PINX1: variants seen among roughly 807,000 people sequenced by gnomAD.
PINX1 encodes the protein PIN2/TERF1-interacting telomerase inhibitor 1.
Under a neutral mutation model 25.4 loss-of-function variants are expected in PINX1, and 34 were observed. The ratio of observed to expected loss-of-function variants is 1.34; its 90% CI spans 1.02 to 1.78. PINX1 has a LOEUF of 1.78. PINX1 is among the 40% of genes most tolerant of loss of function. The probability of loss-of-function intolerance (pLI) is 0.00; values close to 1 mark genes in which losing one functional copy is unlikely to be tolerated. For missense variants in PINX1, 592 were observed against 404.9 expected (o/e 1.46, Z -3.97); for synonymous variants, 197 against 147.7 (o/e 1.33, Z -2.42).
At position 10,791,820 on chromosome 8, in the gene PINX1, C is replaced by A. The variant is rs116022303; in HGVS notation, c.472-25904G>T. 3.3e-3 allele frequency among the ~76,000 whole-genome samples: 496 copies of A among 152,300 alleles called. 3 individuals carry two copies. The highest frequency in any genetic ancestry group is 0.011 in the African/African-American group (474 of 41,576). Reference sequence around the variant, plus strand: ...AGCACTGCGCGAGGCAAAGGACTTGCATTTGGCCTGTGGTGCTGCCGCGGT... The same window carrying A: ...AGCACTGCGCGAGGCAAAGGACTTGAATTTGGCCTGTGGTGCTGCCGCGGT... On this transcript the variant is annotated intron_variant, in intron 6 of 6. Coordinates refer to ENST00000314787, the MANE Select transcript of PINX1 (RefSeq NM_017884.6).
chr8:10,787,643 C>G (rs142220121), intron 6 of PINX1: 17 of 320,346 alleles, frequency 5.3e-5, no homozygotes, highest in Non-Finnish European at 9.8e-5. Context: ...AAAAGCCACA[C>G]AAGGGAAATT....
chr8:10,824,261 G>A (rs1563233060), intron 5 of PINX1, among the ~76,000 whole-genome samples: 1 of 152,322 alleles, frequency 6.6e-6, no homozygotes, highest in Middle Eastern at 3.4e-3. Flanking sequence ...GATTTTCTGT[G>A]ATCTAAGATA....
rs777538878 is a variant in PINX1, at chr8:10,826,186, G to C, written c.360C>G (p.Ser120=). 1.9e-6 allele frequency: 3 copies of C among 1,592,396 alleles called. No homozygotes were observed. The African/African-American group carries it at 4.0e-5, about 21-fold the overall frequency. Residue 120 remains serine (S), a synonymous_variant, in exon 5 of 7, where the codon TCC becomes TCG. Transcript: ENST00000314787. ...ATTTCATATAGTGAACACGGTTTTT[G>C]GAGATTTTGGACTTTTCCTCAAGGC... ...SFSLEEKSKI[S]KNRVHYMKFT... is the part of the protein sequence containing the mutation.
At chr8:10,788,778 C>G (rs1164436093) in intron 6 of PINX1, among the ~76,000 whole-genome samples, 1 of 152,134 alleles carries the variant, frequency 6.6e-6, no homozygotes, top group African/African-American at 2.4e-5. Context: ...CCAACCAAGG[C>G]AGAAAGGTGA....
intron 6 of PINX1, among the ~76,000 whole-genome samples, chr8:10,766,857 G>GA (rs1801066710): frequency 6.6e-6 from 1 of 152,236 alleles, no homozygotes; most frequent in Non-Finnish European, 1.5e-5. Context: ...CTGGGATAAA[G>GA]AATGAAATGC....
chr8:10,838,849 C>T (rs1288817507), intron 1 of PINX1, among the ~76,000 whole-genome samples: 1 of 152,154 alleles, frequency 6.6e-6, no homozygotes, highest in East Asian at 1.9e-4. Flanking sequence ...CAATTTCTGC[C>T]CCTGTAAAAT....
intron 6 of PINX1, among the ~76,000 whole-genome samples, chr8:10,818,938 G>C (rs566082529): frequency 3.3e-5 from 5 of 152,190 alleles, no homozygotes. Flanking sequence ...CAGGTCTCAC[G>C]GTGAGCACTG....
chr8:10,819,093 G>A (rs1797788052), intron 6 of PINX1, among the ~76,000 whole-genome samples: 1 of 152,200 alleles, frequency 6.6e-6, no homozygotes, highest in Admixed American at 6.5e-5. Context: ...CATAGTCCGC[G>A]CAGGCACCAA....
At chr8:10,816,770 T>A (rs1243750379) in intron 6 of PINX1, among the ~76,000 whole-genome samples, 1 of 151,990 alleles carries the variant, frequency 6.6e-6, no homozygotes, top group Non-Finnish European at 1.5e-5. Flanking sequence ...TGAGAAAGAG[T>A]TCATTAACTT....
At chr8:10,834,415 G>T (rs1194491056) in intron 2 of PINX1, 1 of 456,404 alleles carries the variant, frequency 2.2e-6, no homozygotes, top group Non-Finnish European at 3.8e-6. Context: ...TAAATGGAAA[G>T]GGAAAAAGCG....
At chr8:10,782,946 T>A (rs150366078) in intron 6 of PINX1, among the ~76,000 whole-genome samples, 3 of 152,336 alleles carry the variant, frequency 2.0e-5, no homozygotes, top group Admixed American at 1.3e-4. Flanking sequence ...ATTTATTCTG[T>A]CTTTCCTATA....
Position 10,825,711 on chromosome 8 carries a change from T to C in PINX1, c.394+441A>G, listed in dbSNP as rs114178752. Among the ~76,000 whole-genome samples, 1,174 of 152,314 alleles carry C rather than the reference T, an allele frequency of 7.7e-3. 16 individuals carry two copies. Among genetic ancestry groups the C allele is most frequent in the African/African-American group, 0.026 (1,098 of 41,554 alleles). On this transcript the variant is annotated intron_variant, in intron 5 of 6. Coordinates refer to ENST00000314787, the MANE Select transcript of PINX1 (RefSeq NM_017884.6). Reference sequence around the variant, plus strand: ...AAAGGGTCAACCAGGGAGTGTGCTTTATCACACTGGAGGTATCAATATAGA... The same window carrying C: ...AAAGGGTCAACCAGGGAGTGTGCTTCATCACACTGGAGGTATCAATATAGA...
At chr8:10,788,700 C>A (rs1195894655) in intron 6 of PINX1, among the ~76,000 whole-genome samples, 1 of 152,162 alleles carries the variant, frequency 6.6e-6, no homozygotes, top group African/African-American at 2.4e-5. Context: ...CTACCTGAAG[C>A]CTGGCAGTTC....
intron 6 of PINX1, among the ~76,000 whole-genome samples, chr8:10,767,350 A>G (rs1332371876): frequency 6.6e-6 from 1 of 152,184 alleles, no homozygotes; most frequent in African/African-American, 2.4e-5. Context: ...ATATGTATCA[A>G]TGGACAATTG....
At chr8:10,796,904 T>C (rs1331919609) in intron 6 of PINX1, among the ~76,000 whole-genome samples, 1 of 151,996 alleles carries the variant, frequency 6.6e-6, no homozygotes, top group African/African-American at 2.4e-5. Flanking sequence ...ATGACAACTA[T>C]CAGCACTCCC....
intron 6 of PINX1, among the ~76,000 whole-genome samples, chr8:10,816,319 ACATCCTGTT>A (rs1797695990): frequency 6.6e-6 from 1 of 152,246 alleles, no homozygotes; most frequent in Admixed American, 6.5e-5. Flanking sequence ...TATCTTTGCA[ACATCCTGTT>A]CATCTATAAA....
intron 1 of PINX1, among the ~76,000 whole-genome samples, chr8:10,836,634 G>C (rs1798414784): frequency 6.6e-6 from 1 of 151,420 alleles, no homozygotes; most frequent in African/African-American, 2.4e-5. Flanking sequence ...CTGGGAAAAT[G>C]GCAGTTAGCT....
intron 6 of PINX1, among the ~76,000 whole-genome samples, chr8:10,777,872 G>A (rs1443636790): frequency 1.3e-5 from 2 of 152,142 alleles, no homozygotes; most frequent in Non-Finnish European, 2.9e-5. Context: ...GAAAGACTGC[G>A]GGGTCCAGGT....
At position 10,778,777 on chromosome 8, in the gene PINX1, G is replaced by A. The variant is rs903418922; in HGVS notation, c.472-12861C>T. 7.9e-5 allele frequency among the ~76,000 whole-genome samples: 12 copies of A among 152,190 alleles called. No individual in the cohort carries two copies. In the East Asian group the frequency reaches 2.3e-3, roughly 29 times the overall value. Reference sequence around the variant, plus strand: ...TTACTTTGAAAGGGCTATTTAAACAGATAGTTCCATTATCTGGATAAAATG... The same window carrying A: ...TTACTTTGAAAGGGCTATTTAAACAAATAGTTCCATTATCTGGATAAAATG... On this transcript the variant is annotated intron_variant, in intron 6 of 6. Coordinates refer to ENST00000314787, the MANE Select transcript of PINX1 (RefSeq NM_017884.6).
Sources: allele counts gnomAD v4.1 joint callset (sites outside exome capture counted in the v4.1 genomes callset), GRCh38; gene constraint gnomAD v4.1.1; transcripts MANE v1.5; gene names NCBI Gene and HGNC (gene_info 2026-07-23, HGNC 2026-07-21).